Variants in LTBP1 observed in about 807,000 individuals in gnomAD.
The protein encoded by LTBP1 is latent-transforming growth factor beta-binding protein 1.
LTBP1 carries 129 observed loss-of-function variants against 207.6 expected under a neutral mutation model. The ratio of observed to expected loss-of-function variants is 0.62; its 90% CI spans 0.54 to 0.72. LTBP1 has a LOEUF of 0.72. Ranked by LOEUF, LTBP1 falls within the 30% of genes least tolerant of loss-of-function variation. The pLI is 0.00. For missense variants in LTBP1, 2,281 were observed against 2,217.2 expected, an observed-to-expected ratio of 1.03 and a Z score of -0.58; for synonymous variants, 963 against 833.7, an observed-to-expected ratio of 1.16 and a Z score of -2.67.
chr2:32,997,425 C>T (rs62135708), intron 2 of LTBP1, among the ~76,000 whole-genome samples: 11,656 of 152,248 alleles, frequency 0.077, 468 homozygotes, highest in Middle Eastern at 0.11. Context: ...CAGAGGATCA[C>T]TTAAGCCTGG....
At chr2:33,375,921 A>G (rs897135163) in intron 31 of LTBP1, among the ~76,000 whole-genome samples, 2 of 151,794 alleles carry the variant, frequency 1.3e-5, no homozygotes, top group Admixed American at 6.6e-5. Context: ...TTTGATTTCA[A>G]CTTTCACATT....
intron 24 of LTBP1, among the ~76,000 whole-genome samples, chr2:33,341,449 A>C (rs1219555137): frequency 2.0e-5 from 3 of 151,862 alleles, no homozygotes; most frequent in East Asian, 1.9e-4. Context: ...CGGTGGCTCA[A>C]GCCTGTAATC....
chr2:33,007,638 T>A (rs1031108814), intron 2 of LTBP1, among the ~76,000 whole-genome samples: 2 of 152,204 alleles, frequency 1.3e-5, no homozygotes, highest in African/African-American at 4.8e-5. Flanking sequence ...AAAGGCTGTT[T>A]TAGGTTAATG....
At chr2:33,132,735 C>T (rs963474852) in intron 4 of LTBP1, among the ~76,000 whole-genome samples, 1 of 152,160 alleles carries the variant, frequency 6.6e-6, no homozygotes, top group African/African-American at 2.4e-5. Flanking sequence ...CCTGGAAAAC[C>T]ATTTGAAAAG....
At chr2:33,201,354 ATT>A (rs1017869385) in intron 7 of LTBP1, among the ~76,000 whole-genome samples, 3 of 152,128 alleles carry the variant, frequency 2.0e-5, no homozygotes, top group Non-Finnish European at 4.4e-5. Flanking sequence ...GGAAATCATC[ATT>A]CTCAGTAAAC....
At chr2:33,027,372 AGGTCTACTC>A (rs2075470285) in intron 3 of LTBP1, among the ~76,000 whole-genome samples, 3 of 152,204 alleles carry the variant, frequency 2.0e-5, no homozygotes, top group Admixed American at 2.0e-4. Context: ...AGAATGTTGA[AGGTCTACTC>A]TCTTAGCAAA....
intron 3 of LTBP1, among the ~76,000 whole-genome samples, chr2:33,076,320 G>A (rs900337322): frequency 6.6e-6 from 1 of 152,142 alleles, no homozygotes; most frequent in Non-Finnish European, 1.5e-5. Flanking sequence ...TACATTTTAT[G>A]TGAGAGAAAG....
chr2:33,106,405 A>G (rs1416311166), intron 3 of LTBP1, among the ~76,000 whole-genome samples: 1 of 152,240 alleles, frequency 6.6e-6, no homozygotes, highest in African/African-American at 2.4e-5. Flanking sequence ...CAGAGGAATC[A>G]CTATCTATGG....
At chr2:33,350,510 G>A (rs896876453) in intron 26 of LTBP1, among the ~76,000 whole-genome samples, 4 of 152,204 alleles carry the variant, frequency 2.6e-5, no homozygotes, top group African/African-American at 9.6e-5. Context: ...TTCCAGCAGG[G>A]TATTGCCCCA....
In LTBP1 at chr2:33,006,196, T is replaced by A. The variant is rs965043947; in HGVS notation, c.566-14713T>A. On this transcript the variant is annotated intron_variant, in intron 2 of 33. Transcript: ENST00000404816. ...TCTTAGCCTCCCAGAGTGCTGAGAT[T>A]ACAGGCGTGAGCCACTGCACCTGGC... 7.9e-4 allele frequency among the ~76,000 whole-genome samples: 120 copies of A among 152,276 alleles called. 1 individual carries two copies. Among genetic ancestry groups the A allele is most frequent in the African/African-American group, 2.5e-3 (105 of 41,546 alleles).
chr2:33,074,135 T>C (rs929770307), intron 3 of LTBP1, among the ~76,000 whole-genome samples: 2 of 152,216 alleles, frequency 1.3e-5, no homozygotes, highest in Non-Finnish European at 2.9e-5. Flanking sequence ...AGATGTTGAT[T>C]ATATTTGGCT....
chr2:33,069,389 GCA>G (rs2077674531), intron 3 of LTBP1, among the ~76,000 whole-genome samples: 2 of 152,168 alleles, frequency 1.3e-5, no homozygotes, highest in South Asian at 4.1e-4. Context: ...TGCAGATGAA[GCA>G]CCCATTCTTG....
At chr2:33,333,253 G>A (rs2094517790) in intron 24 of LTBP1, among the ~76,000 whole-genome samples, 1 of 151,618 alleles carries the variant, frequency 6.6e-6, no homozygotes, top group South Asian at 2.1e-4. Context: ...CTTTCTTAGT[G>A]GTTCAGAAAA....
At chr2:33,166,649 C>G (rs540986377) in intron 5 of LTBP1, among the ~76,000 whole-genome samples, 1 of 152,232 alleles carries the variant, frequency 6.6e-6, no homozygotes, top group South Asian at 2.1e-4. Context: ...AAAGAATTAT[C>G]TTAAGGAAGT....
At chr2:33,172,596 GAGAC>G (rs1205936030) in intron 5 of LTBP1, among the ~76,000 whole-genome samples, 21 of 152,078 alleles carry the variant, frequency 1.4e-4, no homozygotes, top group African/African-American at 5.1e-4. Flanking sequence ...ACAGATCAGC[GAGAC>G]AGAAAGTTAA....
At chr2:33,150,740 A>G (rs2083459752) in intron 5 of LTBP1, among the ~76,000 whole-genome samples, 1 of 77,384 alleles carries the variant, frequency 1.3e-5, no homozygotes, top group Non-Finnish European at 2.3e-5. Context: ...TTTTTTTGAG[A>G]CAGAGTCTCG....
At chr2:33,315,117 T>C (rs746606217) in intron 23 of LTBP1, 27 bp from the exon 24 acceptor site, 3 of 1,580,070 alleles carry the variant, frequency 1.9e-6, no homozygotes, top group East Asian at 4.5e-5. Flanking sequence ...TTTTTTCAAG[T>C]TTTTAAGACT....
At chr2:33,175,992 C>T (rs1208512985) in intron 5 of LTBP1, among the ~76,000 whole-genome samples, 1 of 96,356 alleles carries the variant, frequency 1.0e-5, no homozygotes, top group African/African-American at 4.2e-5. Flanking sequence ...ACATCACACT[C>T]TGGGGACTGT....
rs2082010161 is a variant in LTBP1, at chr2:33,134,666, G to C, written c.1034-127G>C. The C allele has an allele frequency of 1.3e-6, 2 of 1,577,888 alleles. No homozygotes were observed. Among genetic ancestry groups the C allele is most frequent in the African/African-American group, 1.4e-5 (1 of 73,532 alleles). ...CTTTCCTTAAACCTGTCGGGTTGTG[G>C]GCTCTCTCTTTTCCCCTCTTGCTCC... On this transcript the variant is annotated intron_variant, in intron 4 of 33. Transcript: ENST00000404816. This position sits in a 1 kb window ranked among gnomAD's most constrained non-coding sequence, Gnocchi z 4.4.
Sources: allele counts gnomAD v4.1 joint callset (sites outside exome capture counted in the v4.1 genomes callset), GRCh38; gene constraint gnomAD v4.1.1; non-coding constraint Gnocchi (gnomAD v3.1); transcripts MANE v1.5; gene names NCBI Gene and HGNC (gene_info 2026-07-23, HGNC 2026-07-21).